VAV3: variants seen among roughly 807,000 people sequenced by gnomAD.
VAV3 encodes the protein vav guanine nucleotide exchange factor 3, also known as guanine nucleotide exchange factor VAV3.
VAV3 carries 94 observed loss-of-function variants against 131.2 expected under a neutral mutation model. The observed-to-expected ratio is 0.72, with a 90% CI of 0.61 to 0.85. The LOEUF (loss-of-function observed/expected upper bound fraction) is 0.85. VAV3 is among the 40% of genes least tolerant of loss of function. The pLI is 0.00. For synonymous variants in VAV3, 349 were observed against 342.0 expected, an observed-to-expected ratio of 1.02 and a Z score of -0.22; for missense variants, 939 against 1,002.7, an observed-to-expected ratio of 0.94 and a Z score of 0.86.
At chr1:107,883,170 C>A (rs1670862773) in intron 1 of VAV3, among the ~76,000 whole-genome samples, 1 of 152,138 alleles carries the variant, frequency 6.6e-6, no homozygotes, top group South Asian at 2.1e-4. Context: ...AATGTACTTT[C>A]ATGAGTTATA....
intron 1 of VAV3, among the ~76,000 whole-genome samples, chr1:107,915,870 C>T (rs952686542): frequency 1.9e-4 from 29 of 152,094 alleles, no homozygotes; most frequent in African/African-American, 6.8e-4. Flanking sequence ...ACAGAAAGAG[C>T]TCCTGCCCTC....
chr1:107,896,445 T>C (rs923075434), intron 1 of VAV3, among the ~76,000 whole-genome samples: 1 of 152,236 alleles, frequency 6.6e-6, no homozygotes, highest in Non-Finnish European at 1.5e-5. Flanking sequence ...ACATTCTCTG[T>C]ATTTATTGTA....
chr1:107,867,647 T>C (rs959616999), intron 2 of VAV3, among the ~76,000 whole-genome samples: 5 of 152,172 alleles, frequency 3.3e-5, no homozygotes, highest in African/African-American at 1.2e-4. Flanking sequence ...AGTTATGTAA[T>C]TACAGGCAAG....
In VAV3 at chr1:107,819,686, C is replaced by A. The variant is rs145629544; in HGVS notation, c.322-40194G>T. Among the ~76,000 whole-genome samples, 628 of 152,204 alleles carry A rather than the reference C, an allele frequency of 4.1e-3. 2 individuals are homozygous for A. The highest frequency in any genetic ancestry group is 0.015 in the African/African-American group (614 of 41,518). ...GATTGGGGGAATTTATGTAGGATTT[C>A]ATAATGCCTTTAAAAATATATACAC... On this transcript the variant is annotated intron_variant, in intron 2 of 26. Coordinates refer to ENST00000370056, the MANE Select transcript of VAV3 (RefSeq NM_006113.5).
At chr1:107,623,006 G>A (rs1219364519) in intron 20 of VAV3, among the ~76,000 whole-genome samples, 1 of 152,190 alleles carries the variant, frequency 6.6e-6, no homozygotes, top group African/African-American at 2.4e-5. Context: ...AAGAGGAAGT[G>A]ATCAGGAAAA....
At chr1:107,774,136 G>A (rs1665204110) in intron 4 of VAV3, among the ~76,000 whole-genome samples, 1 of 152,008 alleles carries the variant, frequency 6.6e-6, no homozygotes, top group African/African-American at 2.4e-5. Context: ...GTGCAGTCTT[G>A]GCTCACTGCA....
intron 2 of VAV3, among the ~76,000 whole-genome samples, chr1:107,784,987 T>C (rs1357663150): frequency 1.3e-5 from 2 of 152,238 alleles, no homozygotes; most frequent in Non-Finnish European, 2.9e-5. Context: ...CAACCAATGA[T>C]GATTTTTATT....
intron 25 of VAV3, among the ~76,000 whole-genome samples, chr1:107,577,383 C>T (rs1343531418): frequency 6.6e-6 from 1 of 152,214 alleles, no homozygotes. Context: ...TATGGTGCCA[C>T]TGCAATGGAA....
chr1:107,830,128 GAA>G (rs1668184852), intron 2 of VAV3, among the ~76,000 whole-genome samples: 1 of 152,052 alleles, frequency 6.6e-6, no homozygotes, highest in Admixed American at 6.5e-5. Flanking sequence ...CTGAGAACCA[GAA>G]AACAGGTTCT....
At chr1:107,829,784 C>T (rs1668167613) in intron 2 of VAV3, among the ~76,000 whole-genome samples, 1 of 152,048 alleles carries the variant, frequency 6.6e-6, no homozygotes, top group Non-Finnish European at 1.5e-5. Flanking sequence ...GCTTACATTG[C>T]TTTTAATTAT....
At chr1:107,842,577 A>C (rs1016540146) in intron 2 of VAV3, among the ~76,000 whole-genome samples, 1 of 152,152 alleles carries the variant, frequency 6.6e-6, no homozygotes, top group African/African-American at 2.4e-5. Flanking sequence ...CAGCTTTTTA[A>C]ACTGTTCTTG....
intron 2 of VAV3, among the ~76,000 whole-genome samples, chr1:107,874,480 A>C (rs1670394589): frequency 6.6e-6 from 1 of 152,166 alleles, no homozygotes; most frequent in Non-Finnish European, 1.5e-5. Flanking sequence ...ACTTCCAAAA[A>C]TTAGCAGCTT....
chr1:107,648,099 T>C (rs1655873259), intron 19 of VAV3, among the ~76,000 whole-genome samples: 1 of 152,022 alleles, frequency 6.6e-6, no homozygotes, highest in Non-Finnish European at 1.5e-5. Flanking sequence ...GAACTGACTG[T>C]TCACAAAGGG....
At chr1:107,705,988 T>A (rs1487303392) in intron 15 of VAV3, among the ~76,000 whole-genome samples, 1 of 151,436 alleles carries the variant, frequency 6.6e-6, no homozygotes, top group Non-Finnish European at 1.5e-5. Context: ...AACATTTAAC[T>A]TTTTTTTTAC....
At chr1:107,625,639 A>G (rs1343295493) in intron 20 of VAV3, among the ~76,000 whole-genome samples, 1 of 152,234 alleles carries the variant, frequency 6.6e-6, no homozygotes, top group African/African-American at 2.4e-5. Flanking sequence ...TTTTTAACTC[A>G]GTGTGAAGCG....
At position 107,703,087 on chromosome 1, in the gene VAV3, A is replaced by G. The variant is rs548323913; in HGVS notation, c.1705+1463T>C. On this transcript the variant is annotated intron_variant, in intron 17 of 26. Coordinates refer to ENST00000370056, the MANE Select transcript of VAV3 (RefSeq NM_006113.5). ...CATGCCAACTATGGGATCATTTTAC[A>G]TTCTTCACAGATATCATCTCATCAA... is the stretch of plus-strand genomic sequence containing the variant. 2.0e-5 allele frequency among the ~76,000 whole-genome samples: 3 copies of G among 152,230 alleles called. No individual in the cohort carries two copies. The East Asian group carries it at 5.8e-4, about 29-fold the overall frequency.
intron 19 of VAV3, chr1:107,672,398 A>G (rs1423084304): frequency 1.3e-5 from 2 of 152,172 alleles, no homozygotes; most frequent in Admixed American, 1.3e-4. Context: ...AATAAAAATA[A>G]GTTAAATAAG....
chr1:107,751,295 T>C, intron 12 of VAV3, 93 bp from the exon 13 acceptor site: 1 of 983,102 alleles, frequency 1.0e-6, no homozygotes, highest in Non-Finnish European at 1.5e-6. Flanking sequence ...ACAACTACCT[T>C]ATTACATTAA....
At chr1:107,824,810 C>T (rs1378359232) in intron 2 of VAV3, among the ~76,000 whole-genome samples, 2 of 151,468 alleles carry the variant, frequency 1.3e-5, no homozygotes, top group Non-Finnish European at 2.9e-5. Context: ...TTTACTAGGC[C>T]CCATGCAGAA....
Sources: allele counts gnomAD v4.1 joint callset (sites outside exome capture counted in the v4.1 genomes callset), GRCh38; gene constraint gnomAD v4.1.1; transcripts MANE v1.5; gene names NCBI Gene and HGNC (gene_info 2026-07-23, HGNC 2026-07-21).